Variants in LRBA observed in about 807,000 individuals in gnomAD.
LRBA encodes LPS responsive beige-like anchor protein.
Under a neutral mutation model 330.0 loss-of-function variants are expected in LRBA, and 176 were observed. That is an observed-to-expected ratio of 0.53 (90% confidence interval 0.47 to 0.60). The LOEUF is 0.60. Ranked by LOEUF, LRBA falls within the 20% of genes least tolerant of loss-of-function variation. The pLI, the probability that LRBA is intolerant of heterozygous loss-of-function variation, is 0.00. For synonymous variants in LRBA, 1,230 were observed against 1,193.0 expected (o/e 1.03, Z -0.64); for missense variants, 3,259 against 3,444.8 (o/e 0.95, Z 1.35).
chr4:150,312,401 A>T (rs921638860), intron 51 of LRBA, among the ~76,000 whole-genome samples: 2 of 152,054 alleles, frequency 1.3e-5, no homozygotes, highest in Non-Finnish European at 2.9e-5. Context: ...ACTGCTTGAA[A>T]TTGATTTGCC....
chr4:150,537,066 C>T (rs1764732942), intron 40 of LRBA, among the ~76,000 whole-genome samples: 1 of 152,178 alleles, frequency 6.6e-6, no homozygotes, highest in African/African-American at 2.4e-5. Flanking sequence ...TTTCACATTA[C>T]CTGACTTCAA....
intron 2 of LRBA, among the ~76,000 whole-genome samples, chr4:150,961,673 AAG>A (rs1738162646): frequency 6.7e-6 from 1 of 148,898 alleles, no homozygotes; most frequent in South Asian, 2.1e-4. Flanking sequence ...AGCTGTGAAA[AAG>A]AAGTGCAACA....
chr4:150,559,149 G>A lies in LRBA; in HGVS notation c.6330+28899C>T, dbSNP rs183382283. Among the ~76,000 whole-genome samples, 256 of 152,236 alleles carry A rather than the reference G, an allele frequency of 1.7e-3. 2 individuals are homozygous for A. Among genetic ancestry groups the A allele is most frequent in the African/African-American group, 6.0e-3 (249 of 41,538 alleles). ...ATGAAGACTATTCTGTTAAAAAAAG[G>A]AGAGAACTACATTCTTCAAAATTGG... On this transcript the variant is annotated intron_variant, in intron 40 of 56. Coordinates refer to ENST00000651943, the MANE Select transcript of LRBA (RefSeq NM_001364905.1).
intron 37 of LRBA, among the ~76,000 whole-genome samples, chr4:150,649,769 T>TA (rs1451015992): frequency 6.6e-6 from 1 of 152,152 alleles, no homozygotes; most frequent in Non-Finnish European, 1.5e-5. Context: ...TTAATAAATA[T>TA]AAAAAACAGA....
chr4:150,733,905 A>C (rs992220596), intron 36 of LRBA, among the ~76,000 whole-genome samples: 5 of 152,158 alleles, frequency 3.3e-5, no homozygotes, highest in African/African-American at 1.2e-4. Flanking sequence ...ACCTCAGGAC[A>C]CAGGAATTAG....
At chr4:150,851,516 A>G (rs1750616787) in intron 23 of LRBA, among the ~76,000 whole-genome samples, 1 of 152,224 alleles carries the variant, frequency 6.6e-6, no homozygotes, top group African/African-American at 2.4e-5. Context: ...AAAATTATAC[A>G]CTGGCAGGTA....
chr4:151,013,021 T>A (rs138015741), intron 2 of LRBA: 17 of 152,328 alleles, frequency 1.1e-4, no homozygotes, highest in African/African-American at 3.9e-4. Flanking sequence ...CGCCTCGGCT[T>A]CCTGAGGTGC....
chr4:150,315,764 A>C (rs2126900945), intron 50 of LRBA, 141 bp from the exon 51 acceptor site: 1 of 596,354 alleles, frequency 1.7e-6, no homozygotes, highest in East Asian at 3.0e-5. Flanking sequence ...AAAGAACAAA[A>C]ATCCAGGTGC....
chr4:150,299,675 T>C (rs1181544628), intron 53 of LRBA, among the ~76,000 whole-genome samples: 1 of 152,006 alleles, frequency 6.6e-6, no homozygotes, highest in Non-Finnish European at 1.5e-5. Flanking sequence ...TGTAGGCTTA[T>C]GACCCTAGAA....
intron 37 of LRBA, among the ~76,000 whole-genome samples, chr4:150,654,643 T>C (rs1318403776): frequency 3.3e-5 from 5 of 152,218 alleles, no homozygotes; most frequent in African/African-American, 1.2e-4. Context: ...GCTGCACCTA[T>C]TAACTCGTCA....
At chr4:150,556,085 G>A (rs1023276505) in intron 40 of LRBA, among the ~76,000 whole-genome samples, 3 of 151,998 alleles carry the variant, frequency 2.0e-5, no homozygotes, top group Admixed American at 1.3e-4. Context: ...CTACAGGTAT[G>A]AGCCACTGTG....
Position 150,486,165 on chromosome 4 carries a change from T to C in LRBA, c.6551+1567A>G, listed in dbSNP as rs181955664. On this transcript the variant is annotated intron_variant, in intron 42 of 56. Coordinates refer to ENST00000651943, the MANE Select transcript of LRBA (RefSeq NM_001364905.1). ...TGAATGCAGTAATCATTTAACAATGTATATATGTATCAAATCATCATGAGG... is the reference window on the plus strand; with the variant it reads ...TGAATGCAGTAATCATTTAACAATGCATATATGTATCAAATCATCATGAGG... Among the ~76,000 whole-genome samples the C allele has an allele frequency of 2.7e-3, 404 of 152,028 alleles. 5 individuals are homozygous for C. The highest frequency in any genetic ancestry group is 2.3e-3 in the Non-Finnish European group (155 of 67,936).
chr4:150,660,548 A>G (rs1363908188), intron 37 of LRBA, among the ~76,000 whole-genome samples: 47 of 150,312 alleles, frequency 3.1e-4, no homozygotes, highest in African/African-American at 1.1e-3. Flanking sequence ...CTGCCCAGCC[A>G]CCACCCGGTC....
chr4:150,873,597 AAAAC>A (rs548040112), intron 17 of LRBA, among the ~76,000 whole-genome samples: 1,696 of 152,188 alleles, frequency 0.011, 11 homozygotes, highest in Non-Finnish European at 0.017. Context: ...CTCAAAAAAA[AAAAC>A]AAACAAACAA....
At chr4:150,457,323 G>C (rs1459420834) in intron 44 of LRBA, among the ~76,000 whole-genome samples, 1 of 151,974 alleles carries the variant, frequency 6.6e-6, no homozygotes. Flanking sequence ...CAATTATAAA[G>C]GTCTTTAAAA....
At chr4:150,576,189 G>C (rs745736123) in intron 40 of LRBA, among the ~76,000 whole-genome samples, 1 of 148,784 alleles carries the variant, frequency 6.7e-6, no homozygotes, top group Non-Finnish European at 1.5e-5. Flanking sequence ...GAGGAGGGGA[G>C]AGGAAAAGAA....
chr4:150,419,660 T>G (rs1748348316), intron 46 of LRBA, among the ~76,000 whole-genome samples: 1 of 130,542 alleles, frequency 7.7e-6, no homozygotes, highest in Non-Finnish European at 1.6e-5. Flanking sequence ...TTTTTTGAGA[T>G]GAAGTCTTAC....
chr4:150,346,347 G>C (rs1417908173), intron 48 of LRBA, among the ~76,000 whole-genome samples: 1 of 151,968 alleles, frequency 6.6e-6, no homozygotes, highest in Non-Finnish European at 1.5e-5. Flanking sequence ...AAGACTATCA[G>C]TTAAGGCTTA....
intron 2 of LRBA, chr4:151,013,042 G>GGCGT (rs1347425331): frequency 6.6e-6 from 1 of 152,196 alleles, no homozygotes; most frequent in Non-Finnish European, 1.5e-5. Context: ...TGGGATTACA[G>GGCGT]GCGTGAGTCA....
Sources: gnomAD v4.1 joint callset for allele counts (sites outside exome capture counted in the v4.1 genomes callset) on GRCh38, gnomAD v4.1.1 for gene constraint, MANE v1.5 for transcripts, NCBI Gene and HGNC (gene_info 2026-07-23, HGNC 2026-07-21) for gene names.